Variants in ZNF496 observed in about 807,000 individuals in gnomAD.
The protein encoded by ZNF496 is NSD1 (nuclear receptor binding SET-domain containing 1)-interacting zinc finger protein 1.
A neutral mutation model predicts 58.9 loss-of-function variants in ZNF496; 11 were observed. That is an observed-to-expected ratio of 0.19 (90% confidence interval 0.12 to 0.31). The LOEUF (loss-of-function observed/expected upper bound fraction) is 0.31, where lower values mean the gene tolerates loss of function less well. ZNF496 is among the 10% of genes least tolerant of loss of function. The probability of loss-of-function intolerance (pLI) is 1.00; values close to 1 mark genes in which losing one functional copy is unlikely to be tolerated. For synonymous variants in ZNF496, 338 were observed against 318.2 expected, an observed-to-expected ratio of 1.06 and a Z score of -0.66; for missense variants, 660 against 783.0, an observed-to-expected ratio of 0.84 and a Z score of 1.88.
In ZNF496 at chr1:247,304,850, T is replaced by C. The variant is rs146581488; in HGVS notation, c.1007-3574A>G. On this transcript the variant is annotated intron_variant, in intron 9 of 9. Coordinates refer to ENST00000682384, the MANE Select transcript of ZNF496 (RefSeq NM_032752.3). ...GAGGGTTTTGCCTCAGGATGAATCA[T>C]ACTTCAAGTCTAACCCATACCTGAT... 3.4e-3 allele frequency among the ~76,000 whole-genome samples: 492 copies of C among 142,898 alleles called. 3 individuals are homozygous for C. Among genetic ancestry groups the C allele is most frequent in the African/African-American group, 0.012 (468 of 39,808 alleles). 93.7% of individuals were successfully genotyped at this position (142,898 alleles called of 152,430 possible).
Position 247,300,984 on chromosome 1 carries a change from C to T in ZNF496, c.1299G>A (p.Lys433=), listed in dbSNP as rs1207269435. Reference sequence around the variant, plus strand: ...CCCCGCACACCGAGCACTCGTGCGGCTTCTCCTGCTCCCTGCGGCTCCGCA... The same window carrying T: ...CCCCGCACACCGAGCACTCGTGCGGTTTCTCCTGCTCCCTGCGGCTCCGCA... The part of the protein sequence containing the change: ...RHLRSRREQE[K]PHECSVCGEL... The change falls in exon 10 of 10, where the codon AAG becomes AAA. Residue 433 remains lysine, a synonymous_variant. Coordinates refer to ENST00000682384, the MANE Select transcript of ZNF496 (RefSeq NM_032752.3). This position sits in a 1 kb window ranked among gnomAD's most constrained non-coding sequence, Gnocchi z 5.7. The T allele has an allele frequency of 6.2e-7, 1 of 1,613,888 alleles. No homozygotes were observed. Among genetic ancestry groups the T allele is most frequent in the South Asian group, 1.1e-5 (1 of 91,084 alleles).
intron 2 of ZNF496, 122 bp downstream of exon 2, chr1:247,331,310 G>A (rs1660321061): frequency 6.6e-6 from 1 of 152,472 alleles, no homozygotes; most frequent in African/African-American, 2.4e-5. Context: ...GAGGGACCGA[G>A]CTGGATCGGC....
intron 5 of ZNF496, among the ~76,000 whole-genome samples, chr1:247,326,083 CAT>C (rs199857561): frequency 1.1e-4 from 16 of 148,442 alleles, no homozygotes; most frequent in Admixed American, 2.7e-4. Context: ...CACACACACA[CAT>C]ATATACACAC....
In ZNF496 at chr1:247,329,210, C is replaced by T; in HGVS notation, c.369G>A (p.Glu123=). The change falls in exon 4 of 10, where the codon GAG becomes GAA. Residue 123 remains glutamate (E), a synonymous_variant. Coordinates refer to ENST00000682384, the MANE Select transcript of ZNF496 (RefSeq NM_032752.3). The surrounding 1 kb of genome is among the most constrained non-coding windows in gnomAD (Gnocchi z 5.5). ...AVAAVEALER[E]PGRPWQWLKH... ...TCACCCACTGCCAGGGTCTCCCGGG[C>T]TCCCGTTCCAGTGCCTCCACCGCGG... 1 of 1,613,462 alleles carries T rather than the reference C, an allele frequency of 6.2e-7. No homozygotes were observed. Among genetic ancestry groups the T allele is most frequent in the Non-Finnish European group, 8.5e-7 (1 of 1,180,012 alleles).
intron 6 of ZNF496, among the ~76,000 whole-genome samples, chr1:247,318,611 T>C (rs1181893435): frequency 6.6e-6 from 1 of 151,878 alleles, no homozygotes; most frequent in African/African-American, 2.4e-5. Flanking sequence ...GAAAGAAAAC[T>C]GTCAAGTGTG....
At position 247,329,149 on chromosome 1, in the gene ZNF496, C is replaced by CCAGATCT; in HGVS notation, c.390+33_390+39dup. 2 of 1,612,832 alleles carry CCAGATCT rather than the reference C, an allele frequency of 1.2e-6. No homozygotes were observed. Among genetic ancestry groups the CCAGATCT allele is most frequent in the Non-Finnish European group, 1.7e-6 (2 of 1,179,908 alleles). ...ATGGCCCAGCCAAAGTGTCTAAGTA[C>CCAGATCT]CAGATCTCTACCCGTCCCAGCCCCA... On this transcript the variant is annotated intron_variant, in intron 4 of 9. Transcript: ENST00000682384. This position sits in a 1 kb window ranked among gnomAD's most constrained non-coding sequence, Gnocchi z 5.5.
At chr1:247,330,939 T>C (rs1046187127) in intron 2 of ZNF496, among the ~76,000 whole-genome samples, 2 of 152,168 alleles carry the variant, frequency 1.3e-5, no homozygotes, top group East Asian at 1.9e-4. Flanking sequence ...CAGAAACCCA[T>C]ATGGGGGCCG....
chr1:247,318,553 A>G (rs188991186), intron 6 of ZNF496, among the ~76,000 whole-genome samples: 126 of 152,366 alleles, frequency 8.3e-4, no homozygotes, highest in Non-Finnish European at 1.4e-3. Context: ...ATTTCTCATC[A>G]AAAGCCATGG....
intron 6 of ZNF496, among the ~76,000 whole-genome samples, chr1:247,321,457 T>G (rs2103028836): frequency 6.6e-6 from 1 of 152,232 alleles, no homozygotes; most frequent in South Asian, 2.1e-4. Context: ...ACAATGTAAA[T>G]ATACTTAACA....
At chr1:247,325,193 G>A (rs1038632553) in intron 5 of ZNF496, among the ~76,000 whole-genome samples, 11 of 152,332 alleles carry the variant, frequency 7.2e-5, no homozygotes, top group Admixed American at 2.0e-4. Flanking sequence ...AACAAAGGAC[G>A]GGGCCAGGAG....
rs1415461625 is a variant in ZNF496, at chr1:247,308,120, A to T, written c.1006+355T>A. ...TCCCCGGCCCCTGGGAAAGGCAAGG[A>T]GGGTGAGCCTGGGATTGGGAGTGAG... On this transcript the variant is annotated intron_variant, in intron 9 of 9. Coordinates refer to ENST00000682384, the MANE Select transcript of ZNF496 (RefSeq NM_032752.3). This position sits in a 1 kb window ranked among gnomAD's most constrained non-coding sequence, Gnocchi z 4.5. 1 of 702,046 alleles carries T rather than the reference A, an allele frequency of 1.4e-6. No homozygotes were observed. The highest frequency in any genetic ancestry group is 1.3e-4 in the East Asian group (1 of 7,508). The allele number at this position is 702,046 out of a possible 1,614,324, so 43.5% of individuals were successfully genotyped here. A position where few individuals can be genotyped will look rare whatever the true frequency, so the allele number is the denominator to read the frequency against.
In ZNF496 at chr1:247,309,704, T is replaced by G. The variant is rs770379051; in HGVS notation, c.887A>C (p.Tyr296Ser). The change falls in exon 8 of 10, where the codon TAC (tyrosine) becomes TCC (serine). Residue 296 changes from tyrosine (Y) to serine (S), a missense_variant. By Grantham distance (144) the Tyr-to-Ser change is moderately radical. Coordinates refer to ENST00000682384, the MANE Select transcript of ZNF496 (RefSeq NM_032752.3). The surrounding 1 kb of genome is among the most constrained non-coding windows in gnomAD (Gnocchi z 4.3). Reference protein sequence around the residue: ...LQGKEVPQVSYLDSPSLQPFQ... With the variant: ...LQGKEVPQVSSLDSPSLQPFQ... ...GTTCTGGAATCATTACTCACCCAAG[T>G]AGGAGACCTGGGGCACTTCTTTGCC... The G allele has an allele frequency of 8.7e-6, 14 of 1,614,148 alleles. 2 individuals are homozygous for G. In the Middle Eastern group the frequency reaches 2.1e-3, roughly 247 times the overall value.
rs370503314 is a variant in ZNF496, at chr1:247,300,501, C to T, written c.*18G>A. ...GGGGCAGCACCAGCCAGGGTGAGGC[C>T]GCCCCAGGCGGAGAGGCTCAGTAGG... On this transcript the variant is annotated 3_prime_UTR_variant, in exon 10 of 10. Transcript: ENST00000682384. This position sits in a 1 kb window ranked among gnomAD's most constrained non-coding sequence, Gnocchi z 5.7. 9 of 1,584,226 alleles carry T rather than the reference C, an allele frequency of 5.7e-6. No homozygotes were observed. The East Asian group carries it at 9.0e-5, about 16-fold the overall frequency.
At chr1:247,302,334 G>A (rs1419509221) in intron 9 of ZNF496, among the ~76,000 whole-genome samples, 1 of 152,068 alleles carries the variant, frequency 6.6e-6, no homozygotes, top group Non-Finnish European at 1.5e-5. Context: ...GAGATAAAGG[G>A]CAATGGTGGA....
chr1:247,327,176 T>C (rs1660159599), intron 5 of ZNF496, among the ~76,000 whole-genome samples: 1 of 152,196 alleles, frequency 6.6e-6, no homozygotes, highest in African/African-American at 2.4e-5. Context: ...GTGATTCTCC[T>C]GCCTCAGCCT....
In ZNF496 at chr1:247,322,727, T is replaced by C. The variant is rs1251020273; in HGVS notation, c.651+427A>G. On this transcript the variant is annotated intron_variant, in intron 6 of 9. Coordinates refer to ENST00000682384, the MANE Select transcript of ZNF496 (RefSeq NM_032752.3). ...TAGATCTGTGACAGGACTGAAATTA[T>C]CTGTGCTTTCTTCCCTCCACTTCCT... 3 of 1,290,246 alleles carry C rather than the reference T, an allele frequency of 2.3e-6. No individual in the cohort carries two copies. In the Admixed American group the frequency reaches 6.9e-5, roughly 30 times the overall value. 79.9% of individuals were successfully genotyped at this position (1,290,246 alleles called of 1,614,324 possible). A position where few individuals can be genotyped will look rare whatever the true frequency, so the allele number is the denominator to read the frequency against.
intron 9 of ZNF496, among the ~76,000 whole-genome samples, chr1:247,302,743 G>C (rs1558435878): frequency 6.6e-6 from 1 of 152,174 alleles, no homozygotes; most frequent in Non-Finnish European, 1.5e-5. Flanking sequence ...CGTCTACAAG[G>C]TGAGAATGAC....
At chr1:247,328,583 G>A (rs774875255) in intron 5 of ZNF496, 100 bp downstream of exon 5, 351 of 1,278,754 alleles carry the variant, frequency 2.7e-4, no homozygotes, top group Non-Finnish European at 3.6e-4. Context: ...GAACACTGCT[G>A]ATGTAAAAGC....
chr1:247,326,989 A>G (rs1660148862), intron 5 of ZNF496, among the ~76,000 whole-genome samples: 1 of 152,138 alleles, frequency 6.6e-6, no homozygotes, highest in Non-Finnish European at 1.5e-5. Context: ...GTCAGCTTTC[A>G]GGGCCGGATA....
Sources: gnomAD v4.1 joint callset for allele counts (sites outside exome capture counted in the v4.1 genomes callset) on GRCh38, gnomAD v4.1.1 for gene constraint, Gnocchi (gnomAD v3.1) non-coding constraint, MANE v1.5 for transcripts, NCBI Gene and HGNC (gene_info 2026-07-23, HGNC 2026-07-21) for gene names.